The following OXCT1 variants were observed in gnomAD, a reference collection of about 807,000 sequenced individuals.
The protein encoded by OXCT1 is succinyl-CoA:3-ketoacid coenzyme A transferase 1, mitochondrial.
In OXCT1, 27 loss-of-function variants were observed where a neutral mutation model predicts 69.6. The ratio of observed to expected loss-of-function variants is 0.39; its 90% CI spans 0.29 to 0.54. The LOEUF is 0.54. Ranked by LOEUF, OXCT1 falls within the 20% of genes least tolerant of loss-of-function variation. The pLI, the probability that OXCT1 is intolerant of heterozygous loss-of-function variation, is 0.72. For missense variants in OXCT1, 437 were observed against 650.2 expected (o/e 0.67, Z 3.57); for synonymous variants, 202 against 217.8 (o/e 0.93, Z 0.64).
chr5:41,798,262 T>C (rs1258783645), intron 11 of OXCT1, among the ~76,000 whole-genome samples: 1 of 152,138 alleles, frequency 6.6e-6, no homozygotes, highest in East Asian at 1.9e-4. Flanking sequence ...GCCATAATGG[T>C]TGGTTGCAAA....
intron 5 of OXCT1, among the ~76,000 whole-genome samples, chr5:41,845,208 C>G (rs1402983814): frequency 2.6e-5 from 4 of 152,170 alleles, no homozygotes; most frequent in Admixed American, 1.3e-4. Flanking sequence ...CTTGTACTTA[C>G]TCTTCCTTCT....
chr5:41,845,636 A>T (rs932746942), intron 5 of OXCT1, among the ~76,000 whole-genome samples: 1 of 152,232 alleles, frequency 6.6e-6, no homozygotes, highest in Non-Finnish European at 1.5e-5. Context: ...AGACAAAATT[A>T]AAAAACTACG....
At chr5:41,761,221 A>T (rs890261508) in intron 14 of OXCT1, among the ~76,000 whole-genome samples, 3 of 152,122 alleles carry the variant, frequency 2.0e-5, no homozygotes, top group Non-Finnish European at 4.4e-5. Flanking sequence ...CAAGGAAGAA[A>T]CTTACACTGA....
intron 13 of OXCT1, among the ~76,000 whole-genome samples, chr5:41,767,903 CTTT>C (rs758911483): frequency 3.3e-5 from 5 of 151,492 alleles, no homozygotes; most frequent in Admixed American, 6.6e-5. Context: ...ACCTAGCATC[CTTT>C]TTCCCAGAAC....
intron 14 of OXCT1, among the ~76,000 whole-genome samples, chr5:41,751,717 T>G (rs1289748776): frequency 6.6e-6 from 1 of 152,148 alleles, no homozygotes; most frequent in Non-Finnish European, 1.5e-5. Context: ...ATATGAAGTC[T>G]GACAGAGGAT....
chr5:41,759,150 G>A (rs868538873), intron 14 of OXCT1, among the ~76,000 whole-genome samples: 31 of 150,732 alleles, frequency 2.1e-4, no homozygotes, highest in Middle Eastern at 3.6e-3. Flanking sequence ...GGACGCTGGT[G>A]CAGAGGTAGC....
At chr5:41,794,886 G>A (rs1373761066) in intron 11 of OXCT1, 137 bp from the exon 12 acceptor site, 1 of 827,192 alleles carries the variant, frequency 1.2e-6, no homozygotes, top group Admixed American at 2.2e-5. Context: ...ATAGCAGGTG[G>A]GGGGACACAG....
intron 7 of OXCT1, among the ~76,000 whole-genome samples, chr5:41,826,439 G>A (rs1040257482): frequency 2.6e-5 from 4 of 152,094 alleles, no homozygotes; most frequent in African/African-American, 9.7e-5. Flanking sequence ...AATCAAAGCA[G>A]CGGGAGGGAT....
At chr5:41,823,492 G>T (rs565730427) in intron 7 of OXCT1, among the ~76,000 whole-genome samples, 1 of 152,306 alleles carries the variant, frequency 6.6e-6, no homozygotes, top group African/African-American at 2.4e-5. Context: ...TTCCCATGGA[G>T]ATTTCTGCTA....
intron 14 of OXCT1, among the ~76,000 whole-genome samples, chr5:41,753,270 T>TACAC (rs36095905): frequency 0.015 from 2,194 of 148,762 alleles, 50 homozygotes; most frequent in African/African-American, 0.049. Flanking sequence ...GTGGCTGCAA[T>TACAC]ACACACACAC....
chr5:41,799,438 T>G (rs1275123228), intron 11 of OXCT1, among the ~76,000 whole-genome samples: 1 of 152,204 alleles, frequency 6.6e-6, no homozygotes, highest in Non-Finnish European at 1.5e-5. Flanking sequence ...TTTGTAAATG[T>G]GGCACTTCAA....
chr5:41,796,560 C>T (rs1484920614), intron 11 of OXCT1, among the ~76,000 whole-genome samples: 2 of 152,284 alleles, frequency 1.3e-5, no homozygotes, highest in African/African-American at 4.8e-5. Flanking sequence ...TATCCCCCTC[C>T]ATTAAAACTT....
intron 10 of OXCT1, among the ~76,000 whole-genome samples, chr5:41,802,173 A>G (rs893511039): frequency 1.3e-5 from 2 of 152,138 alleles, no homozygotes; most frequent in Admixed American, 6.5e-5. Flanking sequence ...ATCCAAATAT[A>G]TATCATTTTT....
At chr5:41,862,781 C>A in intron 1 of OXCT1, 31 bp from the exon 2 acceptor site, 4 of 1,273,496 alleles carry the variant, frequency 3.1e-6, no homozygotes, top group South Asian at 2.4e-5. Context: ...AATTGATAAT[C>A]ATTTGGAGAT....
intron 13 of OXCT1, among the ~76,000 whole-genome samples, chr5:41,770,488 C>A (rs1353988846): frequency 6.6e-6 from 1 of 152,134 alleles, no homozygotes; most frequent in East Asian, 1.9e-4. Context: ...GGAGAAAAAT[C>A]ATTTATAAGA....
intron 13 of OXCT1, among the ~76,000 whole-genome samples, chr5:41,764,169 CTTG>C (rs1313794610): frequency 6.6e-6 from 1 of 152,110 alleles, no homozygotes; most frequent in African/African-American, 2.4e-5. Flanking sequence ...AAATTTAATG[CTTG>C]TTTCCAAGAG....
chr5:41,832,677 G>A (rs1000979254), intron 7 of OXCT1, among the ~76,000 whole-genome samples: 29 of 152,116 alleles, frequency 1.9e-4, no homozygotes, highest in Admixed American at 1.3e-3. Context: ...ATAAGGCACC[G>A]GGGACCAATC....
At position 41,861,188 on chromosome 5, in the gene OXCT1, A is replaced by G. The variant is rs79475686; in HGVS notation, c.278+126T>C. On this transcript the variant is annotated intron_variant, in intron 3 of 16. Transcript: ENST00000196371. ...ACCCCTCTTGACCTTGTTAAACACT[A>G]GATTTTGATGCTTGGACATATTGCT... 1,155 of 737,574 alleles carry G rather than the reference A, an allele frequency of 1.6e-3. 8 individuals carry two copies. In the African/African-American group the frequency reaches 0.017, roughly 11 times the overall value. 45.7% of individuals were successfully genotyped at this position (737,574 alleles called of 1,614,324 possible).
intron 14 of OXCT1, among the ~76,000 whole-genome samples, chr5:41,751,094 A>C (rs1318092511): frequency 6.6e-6 from 1 of 152,114 alleles, no homozygotes; most frequent in African/African-American, 2.4e-5. Flanking sequence ...TTCTTTTAAA[A>C]TTTCAAATTC....
Sources: gnomAD v4.1 joint callset for allele counts (sites outside exome capture counted in the v4.1 genomes callset) on GRCh38, gnomAD v4.1.1 for gene constraint, MANE v1.5 for transcripts, NCBI Gene and HGNC (gene_info 2026-07-23, HGNC 2026-07-21) for gene names.